OR51L1: variants seen among roughly 807,000 people sequenced by gnomAD.
OR51L1 encodes olfactory receptor 51L1.
OR51L1 carries 1 observed loss-of-function variant against 1.4 expected under a neutral mutation model. The observed-to-expected ratio is 0.72, with a 90% confidence interval of 0.26 to 3.42. OR51L1 has a LOEUF of 3.42. Among genes scored for constraint, OR51L1 ranks in the 30% most tolerant of loss-of-function variants. OR51L1 has a pLI of 0.20. For synonymous variants in OR51L1, 156 were observed against 144.2 expected, an observed-to-expected ratio of 1.08 and a Z score of -0.59; for missense variants, 378 against 380.0, an observed-to-expected ratio of 0.99 and a Z score of 0.04.
At position 4,998,911 on chromosome 11, in the gene OR51L1, A is replaced by C. The variant is rs1299402338; in HGVS notation, c.-72A>C. The C allele has an allele frequency of 1.3e-6, 2 of 1,499,516 alleles. No homozygotes were observed. Among genetic ancestry groups the C allele is most frequent in the African/African-American group, 2.8e-5 (2 of 71,618 alleles). 92.9% of individuals were successfully genotyped at this position (1,499,516 alleles called of 1,614,324 possible). A position where few individuals can be genotyped will look rare whatever the true frequency, so the allele number is the denominator to read the frequency against. On this transcript the variant is annotated 5_prime_UTR_variant, in exon 3 of 3. Transcript: ENST00000641819. ...TCATTCCATTATTTGTACTCAAAAG[A>C]GATAACTTTGAGGGATCAGGAAGGA...
intron 1 of OR51L1, among the ~76,000 whole-genome samples, chr11:4,996,693 C>T (rs1412121640): frequency 1.1e-3 from 143 of 130,024 alleles, no homozygotes; most frequent in African/African-American, 4.2e-3. Flanking sequence ...CTTTCTTTTT[C>T]TTTCTTTTCC....
chr11:4,998,973 C>T lies in OR51L1; in HGVS notation c.-10C>T. On this transcript the variant is annotated 5_prime_UTR_variant, in exon 3 of 3. Transcript: ENST00000641819. Reference sequence around the variant, plus strand: ...ATTCCTCACTACTTGCTGAATTACTCAAAGTCACTATGGGAGACTGGAATA... The same window carrying T: ...ATTCCTCACTACTTGCTGAATTACTTAAAGTCACTATGGGAGACTGGAATA... The T allele has an allele frequency of 1.2e-6, 2 of 1,606,538 alleles. No homozygotes were observed. Among genetic ancestry groups the T allele is most frequent in the South Asian group, 2.2e-5 (2 of 90,202 alleles).
chr11:4,996,201 CAA>C lies in OR51L1; in HGVS notation c.-262+867_-262+868del, dbSNP rs201780906. 8.3e-3 allele frequency among the ~76,000 whole-genome samples: 1,259 copies of C among 151,962 alleles called. 17 individuals are homozygous for C. Among genetic ancestry groups the C allele is most frequent in the African/African-American group, 0.029 (1,202 of 41,468 alleles). On this transcript the variant is annotated intron_variant, in intron 1 of 2. Coordinates refer to ENST00000641819, the MANE Select transcript of OR51L1 (RefSeq NM_001004755.2). ...CAGAAATTGTATACCGAAAATTTGC[CAA>C]GAGAGTAGAGCTTAGGTGTTCTTAG...
In OR51L1 at chr11:5,004,167, G is replaced by A. The variant is rs372834419; in HGVS notation, c.*4237G>A. 6.6e-6 allele frequency: 1 copy of A among 152,176 alleles called. No individual in the cohort carries two copies. Among genetic ancestry groups the A allele is most frequent in the East Asian group, 1.9e-4 (1 of 5,194 alleles). 9.4% of individuals were successfully genotyped at this position (152,176 alleles called of 1,614,324 possible). On this transcript the variant is annotated 3_prime_UTR_variant, in exon 3 of 3. Transcript: ENST00000641819. ...CAAGCCCGAGGTTGAAACTTCATTT[G>A]AGAATGCATAGTCTTAGCATCCTGG...
chr11:4,999,467 C>T lies in OR51L1; in HGVS notation c.485C>T (p.Pro162Leu), dbSNP rs776552356. 6.2e-7 allele frequency: 1 copy of T among 1,614,124 alleles called. No homozygotes were observed. The highest frequency in any genetic ancestry group is 8.5e-7 in the Non-Finnish European group (1 of 1,180,028). ...LRSLGVVLPT[P>L]LLLRHYHYCH... ...AGCTTGGGAGTTGTACTTCCCACAC[C>T]TTTGCTACTGAGACACTATCACTAC... is the stretch of plus-strand genomic sequence containing the variant. Residue 162 changes from proline to leucine, a missense_variant, in exon 3 of 3, where the codon CCT becomes CTT. Coordinates refer to ENST00000641819, the MANE Select transcript of OR51L1 (RefSeq NM_001004755.2).
At position 5,002,640 on chromosome 11, in the gene OR51L1, A is replaced by C. The variant is rs1847142044; in HGVS notation, c.*2710A>C. The C allele has an allele frequency of 6.6e-6, 1 of 152,004 alleles. No individual in the cohort carries two copies. The highest frequency in any genetic ancestry group is 1.5e-5 in the Non-Finnish European group (1 of 68,006). 9.4% of individuals were successfully genotyped at this position (152,004 alleles called of 1,614,324 possible). A position where few individuals can be genotyped will look rare whatever the true frequency, so the allele number is the denominator to read the frequency against. On this transcript the variant is annotated 3_prime_UTR_variant, in exon 3 of 3. Coordinates refer to ENST00000641819, the MANE Select transcript of OR51L1 (RefSeq NM_001004755.2). ...CTGACACATTCAATGACTAATGTAG[A>C]AAGTTGGAAAGGTCTGGCCCCTTCA...
chr11:4,999,969 T>A lies in OR51L1; in HGVS notation c.*39T>A, dbSNP rs971909922. 6.5e-7 allele frequency: 1 copy of A among 1,547,310 alleles called. No homozygotes were observed. The highest frequency in any genetic ancestry group is 8.7e-7 in the Non-Finnish European group (1 of 1,149,756). On this transcript the variant is annotated 3_prime_UTR_variant, in exon 3 of 3. Transcript: ENST00000641819. Reference sequence around the variant, plus strand: ...TCCAACTTTTCCACTGAAAATCTCATGGAAGCTGTTTTAGTATATGAAAAG... The same window carrying A: ...TCCAACTTTTCCACTGAAAATCTCAAGGAAGCTGTTTTAGTATATGAAAAG...
At chr11:4,996,758 TTTCTTTC>T (rs1201720694) in intron 1 of OR51L1, among the ~76,000 whole-genome samples, 1 of 149,914 alleles carries the variant, frequency 6.7e-6, no homozygotes, top group African/African-American at 2.5e-5. Flanking sequence ...TCTTTCTTTC[TTTCTTTC>T]TTTCATTTCT....
At position 4,999,244 on chromosome 11, in the gene OR51L1, T is replaced by C. The variant is rs1564822806; in HGVS notation, c.262T>C (p.Trp88Arg). The change falls in exon 3 of 3, where the codon TGG becomes CGG. Residue 88 changes from tryptophan (W) to arginine (R), a missense_variant. Trp to Arg is a moderately radical substitution (Grantham distance 101). Coordinates refer to ENST00000641819, the MANE Select transcript of OR51L1 (RefSeq NM_001004755.2). Reference protein sequence around the residue: ...STLPTMLAVLWLDAPEIQASA... With the variant: ...STLPTMLAVLRLDAPEIQASA... Reference sequence around the variant, plus strand: ...ACTTCCCACCATGCTTGCTGTGTTATGGTTGGATGCTCCAGAGATCCAGGC... The same window carrying C: ...ACTTCCCACCATGCTTGCTGTGTTACGGTTGGATGCTCCAGAGATCCAGGC... The C allele has an allele frequency of 1.9e-6, 3 of 1,614,190 alleles. No individual in the cohort carries two copies. Among genetic ancestry groups the C allele is most frequent in the East Asian group, 4.5e-5 (2 of 44,880 alleles).
chr11:4,999,000 C>G lies in OR51L1; in HGVS notation c.18C>G (p.Asn6Lys). 6.2e-7 allele frequency: 1 copy of G among 1,613,718 alleles called. No individual in the cohort carries two copies. The highest frequency in any genetic ancestry group is 8.5e-7 in the Non-Finnish European group (1 of 1,179,760). The change falls in exon 3 of 3, where the codon AAC becomes AAG. Residue 6 changes from asparagine (N) to lysine (K), a missense_variant. Coordinates refer to ENST00000641819, the MANE Select transcript of OR51L1 (RefSeq NM_001004755.2). MGDWN[N>K]SDAVEPIFIL... ...AAGTCACTATGGGAGACTGGAATAA[C>G]AGTGATGCTGTGGAGCCCATATTTA...
rs1318088323 is a variant in OR51L1, at chr11:4,999,099, A to G, written c.117A>G (p.Val39=). Residue 39 remains valine (V), a synonymous_variant, in exon 3 of 3, where the codon GTA becomes GTG. Coordinates refer to ENST00000641819, the MANE Select transcript of OR51L1 (RefSeq NM_001004755.2). ...LSILFCLAYL[V]AFMGNVTILS... The stretch of plus-strand genomic sequence containing the variant: ...TCCTCTTCTGTCTTGCATATTTGGT[A>G]GCATTTATGGGTAATGTTACCATCC... The G allele has an allele frequency of 6.2e-7, 1 of 1,614,084 alleles. No individual in the cohort carries two copies. The highest frequency in any genetic ancestry group is 8.5e-7 in the Non-Finnish European group (1 of 1,179,998).
In OR51L1 at chr11:5,001,291, G is replaced by C. The variant is rs2133662694; in HGVS notation, c.*1361G>C. 1 of 152,244 alleles carries C rather than the reference G, an allele frequency of 6.6e-6. No individual in the cohort carries two copies. Among genetic ancestry groups the C allele is most frequent in the Non-Finnish European group, 1.5e-5 (1 of 68,032 alleles). The allele number at this position is 152,244 out of a possible 1,614,324, so 9.4% of individuals were successfully genotyped here. A position where few individuals can be genotyped will look rare whatever the true frequency, so the allele number is the denominator to read the frequency against. ...AGGTGGTTTGGCCAGTGGAAAGAAAGGAATGTAAAGGTCGTAATTGCATTA... is the reference window on the plus strand; with the variant it reads ...AGGTGGTTTGGCCAGTGGAAAGAAACGAATGTAAAGGTCGTAATTGCATTA... On this transcript the variant is annotated 3_prime_UTR_variant, in exon 3 of 3. Coordinates refer to ENST00000641819, the MANE Select transcript of OR51L1 (RefSeq NM_001004755.2).
rs1487372164 is a variant in OR51L1, at chr11:4,999,852, C to A, written c.870C>A (p.Asn290Lys). Residue 290 changes from asparagine to lysine, a missense_variant, in exon 3 of 3, where the codon AAC becomes AAA. Transcript: ENST00000641819. ...ACCTTCTTCTTCCCCCAGTCCTTAA[C>A]CCTATTGTCTATAGTGTCAGAACAA... ...DIYLLLPPVL[N>K]PIVYSVRTKQ... The A allele has an allele frequency of 1.2e-6, 2 of 1,614,022 alleles. No homozygotes were observed. Among genetic ancestry groups the A allele is most frequent in the East Asian group, 2.2e-5 (1 of 44,860 alleles).
chr11:5,002,401 A>C lies in OR51L1; in HGVS notation c.*2471A>C, dbSNP rs191146428. On this transcript the variant is annotated 3_prime_UTR_variant, in exon 3 of 3. Transcript: ENST00000641819. ...GCAACGTTCTTCAGTCTAACTTAAA[A>C]CTTACCCAAAGCATTTTGCATTTCC... 2.6e-5 allele frequency: 4 copies of C among 152,116 alleles called. No homozygotes were observed. Among genetic ancestry groups the C allele is most frequent in the Non-Finnish European group, 5.9e-5 (4 of 68,028 alleles). 9.4% of individuals were successfully genotyped at this position (152,116 alleles called of 1,614,324 possible).
intron 1 of OR51L1, 85 bp downstream of exon 1, chr11:4,995,420 T>G (rs749168727): frequency 2.6e-5 from 4 of 152,024 alleles, no homozygotes; most frequent in Non-Finnish European, 5.9e-5. Flanking sequence ...GAGAGTAAAA[T>G]TATGAGAAAG....
Position 5,005,192 on chromosome 11 carries a change from C to T in OR51L1, c.*5262C>T, listed in dbSNP as rs1259183148. 6.6e-6 allele frequency: 1 copy of T among 152,210 alleles called. No individual in the cohort carries two copies. The highest frequency in any genetic ancestry group is 1.5e-5 in the Non-Finnish European group (1 of 68,042). 9.4% of individuals were successfully genotyped at this position (152,210 alleles called of 1,614,324 possible). A position where few individuals can be genotyped will look rare whatever the true frequency, so the allele number is the denominator to read the frequency against. ...CAATCCAGGTCTAGCTCCTAAAACT[C>T]CACACCGATTATGTCACTTACAAGT... On this transcript the variant is annotated 3_prime_UTR_variant, in exon 3 of 3. Coordinates refer to ENST00000641819, the MANE Select transcript of OR51L1 (RefSeq NM_001004755.2).
In OR51L1 at chr11:5,003,923, T is replaced by C. The variant is rs1483937488; in HGVS notation, c.*3993T>C. ...TTTGCTTTTATGTTTAGTGCTTTTG[T>C]GTATTTTTAAGGAGATATTTGCCTA... is the stretch of plus-strand genomic sequence containing the variant. On this transcript the variant is annotated 3_prime_UTR_variant, in exon 3 of 3. Transcript: ENST00000641819. The C allele has an allele frequency of 6.6e-6, 1 of 152,236 alleles. No individual in the cohort carries two copies. Among genetic ancestry groups the C allele is most frequent in the African/African-American group, 2.4e-5 (1 of 41,464 alleles). The allele number at this position is 152,236 out of a possible 1,614,324, so 9.4% of individuals were successfully genotyped here.
chr11:4,996,715 CTTTTCT>C (rs1564822208), intron 1 of OR51L1, among the ~76,000 whole-genome samples: 286 of 81,504 alleles, frequency 3.5e-3, no homozygotes, highest in African/African-American at 0.013. Flanking sequence ...TCCTTCCTTT[CTTTTCT>C]TTTCTTTCTT....
chr11:5,002,483 G>A lies in OR51L1; in HGVS notation c.*2553G>A, dbSNP rs1847140362. 6.6e-6 allele frequency: 1 copy of A among 152,072 alleles called. No homozygotes were observed. Among genetic ancestry groups the A allele is most frequent in the African/African-American group, 2.4e-5 (1 of 41,402 alleles). 9.4% of individuals were successfully genotyped at this position (152,072 alleles called of 1,614,324 possible). On this transcript the variant is annotated 3_prime_UTR_variant, in exon 3 of 3. Coordinates refer to ENST00000641819, the MANE Select transcript of OR51L1 (RefSeq NM_001004755.2). Reference sequence around the variant, plus strand: ...TGATGGACAAAGATATGTAGTTTCAGCCCCATTTCAATGAAAGACTTGTAG... The same window carrying A: ...TGATGGACAAAGATATGTAGTTTCAACCCCATTTCAATGAAAGACTTGTAG...
Sources: allele counts gnomAD v4.1 joint callset (sites outside exome capture counted in the v4.1 genomes callset), GRCh38; gene constraint gnomAD v4.1.1; transcripts MANE v1.5; gene names NCBI Gene and HGNC (gene_info 2026-07-23, HGNC 2026-07-21).